Variants in C1orf105 observed in about 807,000 individuals in gnomAD.
C1orf105 encodes the protein uncharacterized protein C1orf105.
C1orf105 carries 17 observed loss-of-function variants against 20.8 expected under a neutral mutation model. The observed-to-expected ratio is 0.82, with a 90% CI of 0.56 to 1.23. The LOEUF (loss-of-function observed/expected upper bound fraction) is 1.23. Among genes scored for constraint, C1orf105 ranks in the 50% most tolerant of loss-of-function variants. The probability of loss-of-function intolerance (pLI) is 0.00; values close to 1 mark genes in which losing one functional copy is unlikely to be tolerated. For missense variants in C1orf105, 219 were observed against 213.5 expected (o/e 1.03, Z -0.16); for synonymous variants, 72 against 72.1 (o/e 1.00, Z 0.01).
At chr1:172,427,601 A>C (rs2071755486) in intron 1 of C1orf105, among the ~76,000 whole-genome samples, 1 of 152,188 alleles carries the variant, frequency 6.6e-6, no homozygotes, top group South Asian at 2.1e-4. Flanking sequence ...CTGCTCTTTT[A>C]AATGTAAAGG....
rs188360662 is a variant in C1orf105 at position 172,453,476 on chromosome 1, C to A, written c.199-2939C>A. Reference sequence around the variant, plus strand: ...TGTTCTGTAACGTTTCCCTGAAGACCGTGTTACAATAGTGATCTTCATTTA... The same window carrying A: ...TGTTCTGTAACGTTTCCCTGAAGACAGTGTTACAATAGTGATCTTCATTTA... On this transcript the variant is annotated intron_variant, in intron 3 of 6. Coordinates refer to ENST00000367727, the MANE Select transcript of C1orf105 (RefSeq NM_139240.4). Among the ~76,000 whole-genome samples the A allele has an allele frequency of 1.2e-4, 18 of 152,224 alleles. No individual in the cohort carries two copies. In the East Asian group the frequency reaches 3.1e-3, roughly 26 times the overall value.
chr1:172,463,295 A>AT (rs1649824146), intron 5 of C1orf105, among the ~76,000 whole-genome samples: 1 of 152,170 alleles, frequency 6.6e-6, no homozygotes, highest in Non-Finnish European at 1.5e-5. Flanking sequence ...GCCCATTTTA[A>AT]TTTTTTCCTC....
At chr1:172,457,903 A>G (rs1377930139) in intron 4 of C1orf105, among the ~76,000 whole-genome samples, 3 of 152,248 alleles carry the variant, frequency 2.0e-5, no homozygotes, top group Non-Finnish European at 4.4e-5. Flanking sequence ...AAGTTAGAAA[A>G]TAAACATGAA....
intron 3 of C1orf105, among the ~76,000 whole-genome samples, chr1:172,454,920 T>C (rs901256985): frequency 2.6e-5 from 4 of 152,220 alleles, no homozygotes; most frequent in African/African-American, 9.7e-5. Context: ...AATGAATGGG[T>C]AAATGAATGA....
At chr1:172,430,251 C>A in intron 1 of C1orf105, 1 of 685,084 alleles carries the variant, frequency 1.5e-6, no homozygotes, top group Non-Finnish European at 2.6e-6. Context: ...AGTAACTTCC[C>A]ACCACAACTG....
At chr1:172,424,932 G>T (rs1229888409) in intron 1 of C1orf105, among the ~76,000 whole-genome samples, 2 of 152,170 alleles carry the variant, frequency 1.3e-5, no homozygotes, top group African/African-American at 4.8e-5. Flanking sequence ...CAAGGCCACA[G>T]GGCCAGCCTG....
At chr1:172,446,598 C>A (rs1377086849) in intron 2 of C1orf105, among the ~76,000 whole-genome samples, 1 of 152,228 alleles carries the variant, frequency 6.6e-6, no homozygotes, top group East Asian at 1.9e-4. Context: ...TCCCATACTA[C>A]CCCCATGCCC....
chr1:172,458,604 T>C (rs1649480466), intron 4 of C1orf105, among the ~76,000 whole-genome samples: 1 of 152,178 alleles, frequency 6.6e-6, no homozygotes, highest in South Asian at 2.1e-4. Context: ...CACTTAATAT[T>C]GTAAAGATGA....
intron 1 of C1orf105, among the ~76,000 whole-genome samples, chr1:172,438,945 G>A (rs755005282): frequency 2.6e-5 from 4 of 152,200 alleles, no homozygotes; most frequent in Non-Finnish European, 4.4e-5. Flanking sequence ...CGCATTTTTA[G>A]CAAGAAAGCA....
At chr1:172,423,575 C>G (rs1410496383) in intron 1 of C1orf105, among the ~76,000 whole-genome samples, 1 of 151,920 alleles carries the variant, frequency 6.6e-6, no homozygotes, top group Non-Finnish European at 1.5e-5. Context: ...TCCACAAGCA[C>G]AGGACCATCC....
chr1:172,453,831 G>C (rs1648933572), intron 3 of C1orf105, among the ~76,000 whole-genome samples: 1 of 152,206 alleles, frequency 6.6e-6, no homozygotes, highest in African/African-American at 2.4e-5. Flanking sequence ...TAGCAGCCCA[G>C]GAGAAAGGTT....
At chr1:172,441,533 T>G in intron 1 of C1orf105, 1 of 441,466 alleles carries the variant, frequency 2.3e-6, no homozygotes, top group Non-Finnish European at 4.0e-6. Context: ...CCCCAGAAAG[T>G]TTTTTCATCT....
At chr1:172,448,560 C>A in intron 3 of C1orf105, 29 bp downstream of exon 3, 1 of 1,295,782 alleles carries the variant, frequency 7.7e-7, no homozygotes, top group Non-Finnish European at 1.1e-6. Context: ...TGAAATGAAA[C>A]CAACAGCAGT....
rs534317904 is a variant in C1orf105, at chr1:172,440,969, C to T, written c.22-4104C>T. Among the ~76,000 whole-genome samples the T allele has an allele frequency of 1.6e-4, 24 of 152,254 alleles. No individual in the cohort carries two copies. The South Asian group carries it at 4.6e-3, about 29-fold the overall frequency. ...TCACACAAAGTATGCCAGTTTCACT[C>T]GCTTCCATTACTGACCTGGCTTCTA... is the stretch of plus-strand genomic sequence containing the variant. On this transcript the variant is annotated intron_variant, in intron 1 of 6. Transcript: ENST00000367727.
intron 1 of C1orf105, among the ~76,000 whole-genome samples, chr1:172,435,214 A>G (rs1032979139): frequency 6.6e-6 from 1 of 152,242 alleles, no homozygotes; most frequent in Admixed American, 6.5e-5. Context: ...TCCAATCAAT[A>G]GAAAAAGAAG....
At chr1:172,426,302 C>T (rs1220481472) in intron 1 of C1orf105, among the ~76,000 whole-genome samples, 2 of 152,118 alleles carry the variant, frequency 1.3e-5, no homozygotes, top group Admixed American at 6.6e-5. Context: ...TGTTTTCAGA[C>T]CATTCTTCTT....
chr1:172,460,200 T>G (rs527988312), intron 4 of C1orf105, among the ~76,000 whole-genome samples: 69 of 152,136 alleles, frequency 4.5e-4, no homozygotes, highest in Non-Finnish European at 7.9e-4. Flanking sequence ...ATACATGATA[T>G]CATAAACACC....
At chr1:172,442,836 A>G (rs937871805) in intron 1 of C1orf105, 14 of 532,772 alleles carry the variant, frequency 2.6e-5, no homozygotes, top group African/African-American at 3.8e-5. Context: ...AGTTCCTAGA[A>G]AAAGAGAGAC....
At chr1:172,463,905 G>A (rs1649865956) in intron 5 of C1orf105, among the ~76,000 whole-genome samples, 1 of 152,148 alleles carries the variant, frequency 6.6e-6, no homozygotes, top group African/African-American at 2.4e-5. Flanking sequence ...TACCACTTCT[G>A]TGTGAGACTT....
Sources: gnomAD v4.1 joint callset for allele counts (sites outside exome capture counted in the v4.1 genomes callset) on GRCh38, gnomAD v4.1.1 for gene constraint, MANE v1.5 for transcripts, NCBI Gene and HGNC (gene_info 2026-07-23, HGNC 2026-07-21) for gene names.